The following GDPD5 variants were observed in gnomAD, a reference collection of about 807,000 sequenced individuals.
GDPD5 encodes the protein glycerophosphodiester phosphodiesterase domain containing 5.
A neutral mutation model predicts 75.1 loss-of-function variants in GDPD5; 48 were observed. The observed-to-expected ratio is 0.64, with a 90% CI of 0.51 to 0.81. The LOEUF (loss-of-function observed/expected upper bound fraction) is 0.81, where lower values mean the gene tolerates loss of function less well. Ranked by LOEUF, GDPD5 falls within the 40% of genes least tolerant of loss-of-function variation. The pLI is 0.00. For synonymous variants in GDPD5, 336 were observed against 339.0 expected (o/e 0.99, Z 0.10); for missense variants, 706 against 822.6 (o/e 0.86, Z 1.73).
At chr11:75,475,405 C>A (rs1466526234) in intron 3 of GDPD5, among the ~76,000 whole-genome samples, 1 of 152,230 alleles carries the variant, frequency 6.6e-6, no homozygotes, top group African/African-American at 2.4e-5. Context: ...GCAGAGCTTA[C>A]GCAAGACCTC....
At chr11:75,481,001 C>T (rs1241876611) in intron 2 of GDPD5, among the ~76,000 whole-genome samples, 1 of 152,156 alleles carries the variant, frequency 6.6e-6, no homozygotes, top group Non-Finnish European at 1.5e-5. Flanking sequence ...AAAATACTGA[C>T]TGTCTGGCCC....
chr11:75,500,895 CCACT>C (rs1436745569), intron 1 of GDPD5, among the ~76,000 whole-genome samples: 2 of 152,204 alleles, frequency 1.3e-5, no homozygotes, highest in Admixed American at 6.5e-5. Flanking sequence ...TCTGTAGTCA[CCACT>C]CAAACTCCTC....
chr11:75,456,570 G>C lies in GDPD5; in HGVS notation c.375+187C>G, dbSNP rs983530641. The C allele has an allele frequency of 4.9e-6, 3 of 613,948 alleles. No homozygotes were observed. The African/African-American group carries it at 5.5e-5, about 11-fold the overall frequency. 38.0% of individuals were successfully genotyped at this position (613,948 alleles called of 1,614,324 possible). On this transcript the variant is annotated intron_variant, in intron 6 of 16. Transcript: ENST00000336898. ...CCTACATCACAAGGTTGCTGTAAGG[G>C]TTAAGTGAATGAAGACGGGTGAGGT...
chr11:75,518,698 G>C (rs1358670283), intron 1 of GDPD5, among the ~76,000 whole-genome samples: 1 of 152,082 alleles, frequency 6.6e-6, no homozygotes, highest in African/African-American at 2.4e-5. Flanking sequence ...AAAATATAAG[G>C]GTGTCCTCAA....
At chr11:75,479,349 T>TCTGTACCAGGCC (rs1949852101) in intron 2 of GDPD5, 1 of 152,212 alleles carries the variant, frequency 6.6e-6, no homozygotes, top group Non-Finnish European at 1.5e-5. Context: ...AGTCATATGT[T>TCTGTACCAGGCC]CTGTACCAGG....
chr11:75,446,368 G>A (rs1048553068), intron 9 of GDPD5, among the ~76,000 whole-genome samples: 5 of 152,272 alleles, frequency 3.3e-5, no homozygotes, highest in African/African-American at 9.6e-5. Flanking sequence ...AAGCATACAC[G>A]TTGCTGGGGT....
intron 6 of GDPD5, chr11:75,455,080 G>A (rs1294922609): frequency 3.3e-6 from 1 of 306,188 alleles, no homozygotes; most frequent in Non-Finnish European, 6.6e-6. Context: ...GGCAGAGGAA[G>A]GCACCCTGGG....
chr11:75,458,783 CTT>C (rs372595814), intron 4 of GDPD5, among the ~76,000 whole-genome samples: 179 of 152,178 alleles, frequency 1.2e-3, no homozygotes, highest in African/African-American at 4.0e-3. Flanking sequence ...AATAAACTCT[CTT>C]TGTTTTTGTT....
intron 6 of GDPD5, among the ~76,000 whole-genome samples, chr11:75,453,408 G>A (rs1015189145): frequency 2.0e-5 from 3 of 152,190 alleles, no homozygotes; most frequent in Non-Finnish European, 4.4e-5. Flanking sequence ...CACGAGGTCA[G>A]GAGATCAAGA....
At chr11:75,455,368 G>A (rs1464540031) in intron 6 of GDPD5, 1 of 456,580 alleles carries the variant, frequency 2.2e-6, no homozygotes, top group Admixed American at 2.3e-5. Flanking sequence ...TGAGTAGAGT[G>A]AGGGCAGGAG....
chr11:75,486,433 T>A (rs1950022996), intron 2 of GDPD5, among the ~76,000 whole-genome samples: 1 of 152,110 alleles, frequency 6.6e-6, no homozygotes, highest in Admixed American at 6.5e-5. Flanking sequence ...TGATAGGGAT[T>A]AAGGTGTAGG....
intron 3 of GDPD5, among the ~76,000 whole-genome samples, chr11:75,475,882 G>A (rs1423672694): frequency 1.3e-5 from 2 of 152,194 alleles, no homozygotes; most frequent in Non-Finnish European, 2.9e-5. Flanking sequence ...TTCTGTTCTG[G>A]TTCTCAGTCA....
chr11:75,523,488 T>C (rs1305628126), intron 1 of GDPD5, among the ~76,000 whole-genome samples: 1 of 152,170 alleles, frequency 6.6e-6, no homozygotes, highest in Non-Finnish European at 1.5e-5. Context: ...TCTTGGCAAG[T>C]ACAACATGCC....
At chr11:75,445,891 G>C (rs536585180) in intron 9 of GDPD5, among the ~76,000 whole-genome samples, 118 of 152,340 alleles carry the variant, frequency 7.7e-4, no homozygotes, top group Non-Finnish European at 1.5e-3. Flanking sequence ...AAAAGTCACA[G>C]ACCCTAGCCC....
At chr11:75,521,144 C>T (rs1269643125) in intron 1 of GDPD5, among the ~76,000 whole-genome samples, 1 of 152,188 alleles carries the variant, frequency 6.6e-6, no homozygotes, top group East Asian at 1.9e-4. Flanking sequence ...GACATGGACA[C>T]ACGGGACCCC....
At chr11:75,510,676 G>A (rs1162130546) in intron 1 of GDPD5, among the ~76,000 whole-genome samples, 2 of 123,372 alleles carry the variant, frequency 1.6e-5, no homozygotes, top group Non-Finnish European at 3.2e-5. Flanking sequence ...TCTCTTCTTC[G>A]CAGAGCCTCA....
chr11:75,518,331 G>C (rs150352077), intron 1 of GDPD5, among the ~76,000 whole-genome samples: 7 of 152,312 alleles, frequency 4.6e-5, no homozygotes, highest in Middle Eastern at 3.4e-3. Context: ...GGAAGGTCCT[G>C]GGGGGAGGAA....
At chr11:75,441,554 GTGT>G in intron 13 of GDPD5, 89 bp downstream of exon 13, 1 of 1,238,822 alleles carries the variant, frequency 8.1e-7, no homozygotes. Flanking sequence ...GTGTGTGTGT[GTGT>G]GTGTGTGTGT....
At position 75,435,436 on chromosome 11, in the gene GDPD5, C is replaced by T. The variant is rs1046191051; in HGVS notation, c.*71G>A. On this transcript the variant is annotated 3_prime_UTR_variant, in exon 17 of 17. Coordinates refer to ENST00000336898, the MANE Select transcript of GDPD5 (RefSeq NM_030792.8). ...GCTCCCAGAGCACTCCGAGTTCAGA[C>T]ACACTTCCACCAGCTCTCCTAGGCT... 2 of 1,410,314 alleles carry T rather than the reference C, an allele frequency of 1.4e-6. No individual in the cohort carries two copies. Among genetic ancestry groups the T allele is most frequent in the South Asian group, 1.5e-5 (1 of 68,452 alleles). 87.4% of individuals were successfully genotyped at this position (1,410,314 alleles called of 1,614,324 possible). A position where few individuals can be genotyped will look rare whatever the true frequency, so the allele number is the denominator to read the frequency against.
Sources: allele counts gnomAD v4.1 joint callset (sites outside exome capture counted in the v4.1 genomes callset), GRCh38; gene constraint gnomAD v4.1.1; transcripts MANE v1.5; gene names NCBI Gene and HGNC (gene_info 2026-07-23, HGNC 2026-07-21).